The following DLGAP1 variants were observed in gnomAD, a reference collection of about 807,000 sequenced individuals.
The protein encoded by DLGAP1 is disks large-associated protein 1.
In DLGAP1, 11 loss-of-function variants were observed where a neutral mutation model predicts 90.8. That is an observed-to-expected ratio of 0.12 (90% CI 0.08 to 0.20). The LOEUF (loss-of-function observed/expected upper bound fraction) is 0.20. Among genes scored for constraint, DLGAP1 ranks in the 10% least tolerant of loss-of-function variants. The pLI is 1.00. For missense variants in DLGAP1, 1,050 were observed against 1,333.8 expected, an observed-to-expected ratio of 0.79 and a Z score of 3.31; for synonymous variants, 558 against 540.7, an observed-to-expected ratio of 1.03 and a Z score of -0.44.
chr18:3,981,734 T>C (rs2073734799), intron 3 of DLGAP1, among the ~76,000 whole-genome samples: 1 of 152,188 alleles, frequency 6.6e-6, no homozygotes, highest in Non-Finnish European at 1.5e-5. Flanking sequence ...TGATTGACTA[T>C]TTTCAGGGTG....
intron 1 of DLGAP1, among the ~76,000 whole-genome samples, chr18:4,274,322 A>G (rs926698075): frequency 2.0e-5 from 3 of 151,872 alleles, no homozygotes; most frequent in Admixed American, 2.0e-4. Flanking sequence ...GAGTTTCCCC[A>G]ATTTTTTCCT....
intron 1 of DLGAP1, among the ~76,000 whole-genome samples, chr18:4,194,560 G>A (rs1186563862): frequency 2.0e-5 from 3 of 151,924 alleles, no homozygotes; most frequent in African/African-American, 4.8e-5. Flanking sequence ...GAGAGTGTAC[G>A]TATTTTTTTC....
chr18:3,816,942 T>C (rs981352099), intron 4 of DLGAP1, among the ~76,000 whole-genome samples: 1 of 152,236 alleles, frequency 6.6e-6, no homozygotes, highest in Non-Finnish European at 1.5e-5. Flanking sequence ...GTTTTTACTT[T>C]TGTAGGTAAA....
chr18:3,583,875 G>T lies in DLGAP1; in HGVS notation c.1592-1627C>A, dbSNP rs515927. Among the ~76,000 whole-genome samples the T allele has an allele frequency of 4.3e-3, 660 of 152,216 alleles. 2 individuals carry two copies. The highest frequency in any genetic ancestry group is 7.0e-3 in the Non-Finnish European group (475 of 68,020). ...AGGTAGCAGAATTGCTTGAACCTGG[G>T]GGGAGGAGGTTGCAGTGAGCTGAGA... On this transcript the variant is annotated intron_variant, in intron 7 of 12. Coordinates refer to ENST00000315677, the MANE Select transcript of DLGAP1 (RefSeq NM_004746.4).
intron 3 of DLGAP1, among the ~76,000 whole-genome samples, chr18:3,979,371 G>C (rs1280996885): frequency 6.6e-6 from 1 of 152,142 alleles, no homozygotes; most frequent in Non-Finnish European, 1.5e-5. Flanking sequence ...CTAGTTGTGG[G>C]GTAGGCTGTA....
Position 4,313,193 on chromosome 18 carries a change from AAGAC to A in DLGAP1, c.-267+141809_-267+141812del, listed in dbSNP as rs551185366. 1.4e-4 allele frequency among the ~76,000 whole-genome samples: 21 copies of A among 152,374 alleles called. No homozygotes were observed. The South Asian group carries it at 4.1e-3, about 30-fold the overall frequency. On this transcript the variant is annotated intron_variant, in intron 1 of 12. Transcript: ENST00000315677. ...TGTCACTGCACGAAGCTTGTATCAGAAGACAGACCATAAATAATAGAAGCACTAA... is the reference window on the plus strand; with the variant it reads ...TGTCACTGCACGAAGCTTGTATCAGAAGACCATAAATAATAGAAGCACTAA...
rs541009076 is a variant in DLGAP1 at position 4,157,295 on chromosome 18, C to A, written c.-266-6008G>T. Among the ~76,000 whole-genome samples the A allele has an allele frequency of 3.4e-4, 52 of 152,286 alleles. No homozygotes were observed. In the South Asian group the frequency reaches 0.011, roughly 32 times the overall value. On this transcript the variant is annotated intron_variant, in intron 1 of 12. Transcript: ENST00000315677. ...TAAATTTTACCTTATAGTCCATAAA[C>A]TATTATGTAGGTTTGAAAACAATGG...
intron 4 of DLGAP1, among the ~76,000 whole-genome samples, chr18:3,861,025 G>T (rs529759569): frequency 6.6e-6 from 1 of 152,128 alleles, no homozygotes; most frequent in Non-Finnish European, 1.5e-5. Context: ...CATGTATTTA[G>T]TTATTTAATG....
At chr18:4,089,890 A>G (rs186546434) in intron 2 of DLGAP1, among the ~76,000 whole-genome samples, 2 of 152,234 alleles carry the variant, frequency 1.3e-5, no homozygotes, top group African/African-American at 4.8e-5. Flanking sequence ...CTAAAAACAC[A>G]AAAAATTAGC....
At chr18:4,136,041 G>T (rs756613605) in intron 2 of DLGAP1, among the ~76,000 whole-genome samples, 2 of 150,780 alleles carry the variant, frequency 1.3e-5, no homozygotes, top group Non-Finnish European at 3.0e-5. Context: ...TGACAGGCCC[G>T]ATGTGTGATG....
chr18:3,613,400 T>C lies in DLGAP1; in HGVS notation c.1592-31152A>G, dbSNP rs374639644. Among the ~76,000 whole-genome samples the C allele has an allele frequency of 2.0e-5, 3 of 152,096 alleles. No individual in the cohort carries two copies. In the East Asian group the frequency reaches 5.8e-4, roughly 30 times the overall value. ...AGGCTGGAGTGCAGTGGCACAATCA[T>C]GGCTCACGGCAGCTTCAACCTCCTG... On this transcript the variant is annotated intron_variant, in intron 7 of 12. Coordinates refer to ENST00000315677, the MANE Select transcript of DLGAP1 (RefSeq NM_004746.4).
intron 4 of DLGAP1, among the ~76,000 whole-genome samples, chr18:3,867,272 G>A (rs1006173648): frequency 2.0e-5 from 3 of 152,256 alleles, no homozygotes; most frequent in Admixed American, 6.5e-5. Flanking sequence ...CTCCACAACT[G>A]AGGGCCATGG....
chr18:4,019,516 A>G (rs1430811895), intron 2 of DLGAP1, among the ~76,000 whole-genome samples: 1 of 152,152 alleles, frequency 6.6e-6, no homozygotes, highest in Non-Finnish European at 1.5e-5. Context: ...TATTTTCCAG[A>G]CTTGCCTTTA....
At chr18:3,813,795 C>A (rs758828866) in intron 5 of DLGAP1, among the ~76,000 whole-genome samples, 3 of 151,834 alleles carry the variant, frequency 2.0e-5, no homozygotes, top group African/African-American at 4.8e-5. Context: ...TCTTTTAAAT[C>A]CAGAATGGCT....
chr18:3,992,037 A>T (rs1205293638), intron 3 of DLGAP1, among the ~76,000 whole-genome samples: 1 of 152,188 alleles, frequency 6.6e-6, no homozygotes, highest in Non-Finnish European at 1.5e-5. Flanking sequence ...TCCACAATAA[A>T]CAAGATGAAT....
chr18:3,655,330 T>C (rs2059445098), intron 7 of DLGAP1, among the ~76,000 whole-genome samples: 1 of 152,204 alleles, frequency 6.6e-6, no homozygotes, highest in South Asian at 2.1e-4. Flanking sequence ...TACTTTTGAT[T>C]TGTGAAACTC....
intron 1 of DLGAP1, among the ~76,000 whole-genome samples, chr18:4,375,011 C>T (rs1252324077): frequency 6.6e-6 from 1 of 152,042 alleles, no homozygotes; most frequent in Non-Finnish European, 1.5e-5. Context: ...GGATTTATTG[C>T]TTTTCAAACA....
At chr18:3,741,142 C>A (rs2062963152) in intron 6 of DLGAP1, among the ~76,000 whole-genome samples, 1 of 90,058 alleles carries the variant, frequency 1.1e-5, no homozygotes, top group Non-Finnish European at 2.6e-5. Context: ...ACCACATCAC[C>A]ATCACCATCA....
At chr18:3,713,303 ATAT>A (rs1311725550) in intron 7 of DLGAP1, among the ~76,000 whole-genome samples, 1 of 152,212 alleles carries the variant, frequency 6.6e-6, no homozygotes, top group African/African-American at 2.4e-5. Context: ...TACAAAAGAG[ATAT>A]TAACCCCACA....
Sources: allele counts gnomAD v4.1 joint callset (sites outside exome capture counted in the v4.1 genomes callset), GRCh38; gene constraint gnomAD v4.1.1; transcripts MANE v1.5; gene names NCBI Gene and HGNC (gene_info 2026-07-23, HGNC 2026-07-21).